The following GRM4 variants were observed in gnomAD, a reference collection of about 807,000 sequenced individuals.
GRM4 encodes glutamate metabotropic receptor 4.
Under a neutral mutation model 81.7 loss-of-function variants are expected in GRM4, and 28 were observed. That is an observed-to-expected ratio of 0.34 (90% CI 0.25 to 0.47). GRM4 has a LOEUF of 0.47. GRM4 is among the 20% of genes least tolerant of loss of function. GRM4 has a pLI of 1.00. For synonymous variants in GRM4, 488 were observed against 528.8 expected (o/e 0.92, Z 1.06); for missense variants, 948 against 1,290.0 (o/e 0.73, Z 4.06).
intron 1 of GRM4, among the ~76,000 whole-genome samples, chr6:34,135,220 C>T (rs1770412577): frequency 6.6e-6 from 1 of 152,174 alleles, no homozygotes; most frequent in African/African-American, 2.4e-5. Context: ...CTACAGAATC[C>T]CTGACTGCTC....
chr6:34,022,589 A>G lies in GRM4; in HGVS notation c.*232T>C. On this transcript the variant is annotated 3_prime_UTR_variant, in exon 11 of 11. Coordinates refer to ENST00000538487, the MANE Select transcript of GRM4 (RefSeq NM_000841.4). The surrounding 1 kb of genome is among the most constrained non-coding windows in gnomAD (Gnocchi z 5.6). ...CGGGAGGGGCAATGGTCCAAGACGC[A>G]GGTTCTTGTGGTAGCCTGGCACCGC... The G allele has an allele frequency of 1.7e-6, 1 of 577,260 alleles. No homozygotes were observed. The highest frequency in any genetic ancestry group is 3.1e-6 in the Non-Finnish European group (1 of 321,726). The allele number at this position is 577,260 out of a possible 1,614,324, so 35.8% of individuals were successfully genotyped here. A position where few individuals can be genotyped will look rare whatever the true frequency, so the allele number is the denominator to read the frequency against.
At chr6:34,066,245 C>T (rs777741123) in intron 3 of GRM4, among the ~76,000 whole-genome samples, 12 of 152,124 alleles carry the variant, frequency 7.9e-5, no homozygotes, top group Non-Finnish European at 4.4e-5. Context: ...CACACAGAGT[C>T]GCTCAACACA....
At position 34,130,071 on chromosome 6, in the gene GRM4, A is replaced by G. The variant is rs772886680; in HGVS notation, c.519+2907T>C. 1.3e-5 allele frequency among the ~76,000 whole-genome samples: 2 copies of G among 152,062 alleles called. No individual in the cohort carries two copies. Among genetic ancestry groups the G allele is most frequent in the African/African-American group, 2.4e-5 (1 of 41,406 alleles). Reference sequence around the variant, plus strand: ...TGGTGGGCGCAGGTCCCCTCCCCCAAGGCATCCCTCCCTCACCCTCTCCTT... The same window carrying G: ...TGGTGGGCGCAGGTCCCCTCCCCCAGGGCATCCCTCCCTCACCCTCTCCTT... On this transcript the variant is annotated intron_variant, in intron 2 of 10. Transcript: ENST00000538487. The surrounding 1 kb of genome is among the most constrained non-coding windows in gnomAD (Gnocchi z 4.1).
intron 10 of GRM4, among the ~76,000 whole-genome samples, chr6:34,025,666 G>A (rs1562005012): frequency 6.6e-6 from 1 of 152,166 alleles, no homozygotes. Flanking sequence ...TAACAGTGAG[G>A]CTCCAAGGGA....
chr6:34,026,024 T>TG (rs1262917097), intron 10 of GRM4, among the ~76,000 whole-genome samples: 2 of 152,202 alleles, frequency 1.3e-5, no homozygotes, highest in Non-Finnish European at 2.9e-5. Context: ...CAATAGGCCC[T>TG]GGCTGCTGGT....
At chr6:34,155,310 T>C in exon 1 of GRM4, 1 of 1,527,616 alleles carries the variant, frequency 6.5e-7, no homozygotes, top group Non-Finnish European at 8.8e-7. Context: ...AGGGGTGGGG[T>C]GCGATGCAGA....
intron 6 of GRM4, among the ~76,000 whole-genome samples, chr6:34,053,706 T>C (rs1438770716): frequency 2.0e-5 from 3 of 152,212 alleles, no homozygotes; most frequent in African/African-American, 7.2e-5. Context: ...TGCTGCATAG[T>C]AGAACCACCT....
intron 2 of GRM4, among the ~76,000 whole-genome samples, chr6:34,127,807 G>A (rs1339756840): frequency 1.3e-5 from 2 of 152,176 alleles, no homozygotes; most frequent in African/African-American, 4.8e-5. Flanking sequence ...GTCAAGATGG[G>A]TGCAGTAGGG....
intron 2 of GRM4, among the ~76,000 whole-genome samples, chr6:34,125,240 G>T (rs115983142): frequency 1.3e-5 from 2 of 152,222 alleles, no homozygotes; most frequent in East Asian, 3.9e-4. Context: ...CCCAAAGGAC[G>T]CTTACCTTTT....
intron 2 of GRM4, chr6:34,100,113 T>A: frequency 1.1e-6 from 1 of 900,098 alleles, no homozygotes; most frequent in Non-Finnish European, 1.3e-6. Flanking sequence ...TGCCCCTGTC[T>A]GGCCCTGGCA....
chr6:34,091,230 C>T (rs1410731440), intron 3 of GRM4, among the ~76,000 whole-genome samples: 2 of 152,226 alleles, frequency 1.3e-5, no homozygotes, highest in Admixed American at 6.5e-5. Context: ...ATCGCTCAGC[C>T]ACTTATCACT....
rs1554123337 is a variant in GRM4 at position 34,069,687 on chromosome 6, T to TGTGA, written c.737-7660_737-7659insTCAC. Among the ~76,000 whole-genome samples, 7 of 141,692 alleles carry TGTGA rather than the reference T, an allele frequency of 4.9e-5. No individual in the cohort carries two copies. Among genetic ancestry groups the TGTGA allele is most frequent in the African/African-American group, 1.2e-4 (4 of 34,708 alleles). The allele number at this position is 141,692 out of a possible 152,430, so 93.0% of individuals were successfully genotyped here. ...GTGTGTGTGTGTGTGTGTGTGTGTG[T>TGTGA]GACCCTGAGCGCCTGCCTCTTCTCC... On this transcript the variant is annotated intron_variant, in intron 3 of 10. Coordinates refer to ENST00000538487, the MANE Select transcript of GRM4 (RefSeq NM_000841.4). This position sits in a 1 kb window ranked among gnomAD's most constrained non-coding sequence, Gnocchi z 6.4.
intron 2 of GRM4, among the ~76,000 whole-genome samples, chr6:34,122,783 G>T (rs1769865751): frequency 6.6e-6 from 1 of 150,812 alleles, no homozygotes; most frequent in African/African-American, 2.5e-5. Flanking sequence ...ACTGGAAGTA[G>T]GGGGGGAAGA....
At chr6:34,086,992 G>C (rs1767923209) in intron 3 of GRM4, among the ~76,000 whole-genome samples, 1 of 152,134 alleles carries the variant, frequency 6.6e-6, no homozygotes, top group African/African-American at 2.4e-5. Context: ...GAGCATGGTG[G>C]TATATGCCTG....
In GRM4 at chr6:34,135,959, A is replaced by T. The variant is rs1198467736; in HGVS notation, c.-363-2100T>A. Among the ~76,000 whole-genome samples, 3 of 152,180 alleles carry T rather than the reference A, an allele frequency of 2.0e-5. No homozygotes were observed. The East Asian group carries it at 5.8e-4, about 29-fold the overall frequency. On this transcript the variant is annotated intron_variant, in intron 1 of 10. Coordinates refer to ENST00000538487, the MANE Select transcript of GRM4 (RefSeq NM_000841.4). ...TTTTCAGTTGTTGCAATGATGGAGG[A>T]GAGTCGGCTACTAGCCCGTGTGCAG...
Position 34,089,536 on chromosome 6 carries a change from C to T in GRM4, c.736+2347G>A, listed in dbSNP as rs1210558472. On this transcript the variant is annotated intron_variant, in intron 3 of 10. Transcript: ENST00000538487. This position sits in a 1 kb window ranked among gnomAD's most constrained non-coding sequence, Gnocchi z 4.3. ...TGGGGTGGCCTTGGAAGTTTGGGGA[C>T]GTGGGAGGCCCAGCCAAGCAGGAAG... Among the ~76,000 whole-genome samples, 9 of 151,926 alleles carry T rather than the reference C, an allele frequency of 5.9e-5. No homozygotes were observed. The highest frequency in any genetic ancestry group is 8.8e-5 in the Non-Finnish European group (6 of 67,972).
chr6:34,084,343 G>T (rs1239362061), intron 3 of GRM4, among the ~76,000 whole-genome samples: 3 of 152,130 alleles, frequency 2.0e-5, no homozygotes, highest in African/African-American at 7.2e-5. Flanking sequence ...GTCCCTCCCT[G>T]GCCTCAGGAG....
In GRM4 at chr6:34,155,211, T is replaced by G. The variant is rs1210881672; in HGVS notation, c.180A>C (p.Thr60=). Reference sequence around the variant, plus strand: ...GCTCTCCTGGCAGGGAGGGGCCTCTTGTGCGCACCCACACACACCGGCAAA... The same window carrying G: ...GCTCTCCTGGCAGGGAGGGGCCTCTGGTGCGCACCCACACACACCGGCAAA... The change falls in exon 1 of 9, where the codon ACA becomes ACC. Residue 60 remains threonine (T), a synonymous_variant. Transcript: ENST00000374177. 4 of 1,535,460 alleles carry G rather than the reference T, an allele frequency of 2.6e-6. No individual in the cohort carries two copies. In the Admixed American group the frequency reaches 7.9e-5, roughly 30 times the overall value.
chr6:34,145,062 T>A (rs957445837), intron 1 of GRM4, among the ~76,000 whole-genome samples: 2 of 151,974 alleles, frequency 1.3e-5, no homozygotes, highest in African/African-American at 4.8e-5. Context: ...GTCCCCTCTG[T>A]CGGTCCCCCT....
Sources: allele counts gnomAD v4.1 joint callset (sites outside exome capture counted in the v4.1 genomes callset), GRCh38; gene constraint gnomAD v4.1.1; non-coding constraint Gnocchi (gnomAD v3.1); transcripts MANE v1.5; gene names NCBI Gene and HGNC (gene_info 2026-07-23, HGNC 2026-07-21).